AGBL1: variants seen among roughly 807,000 people sequenced by gnomAD.
AGBL1 encodes the protein AGBL carboxypeptidase 1.
Under a neutral mutation model 118.9 loss-of-function variants are expected in AGBL1, and 130 were observed. The ratio of observed to expected loss-of-function variants is 1.09; its 90% CI spans 0.95 to 1.26. AGBL1 has a LOEUF of 1.26. AGBL1 is among the 50% of genes most tolerant of loss of function. AGBL1 has a pLI of 0.00. For missense variants in AGBL1, 1,584 were observed against 1,298.1 expected (o/e 1.22, Z -3.38); for synonymous variants, 555 against 478.9 (o/e 1.16, Z -2.08).
intron 20 of AGBL1, among the ~76,000 whole-genome samples, chr15:86,548,585 C>G (rs1032089381): frequency 2.0e-5 from 3 of 151,818 alleles, no homozygotes; most frequent in Non-Finnish European, 4.4e-5. Context: ...ACTGGGGCTG[C>G]TCCTGACACC....
chr15:86,563,790 A>T (rs987054367), intron 21 of AGBL1, among the ~76,000 whole-genome samples: 1 of 152,218 alleles, frequency 6.6e-6, no homozygotes, highest in East Asian at 1.9e-4. Flanking sequence ...GTCTCTAAGG[A>T]CTTGCTTTAT....
intron 22 of AGBL1, among the ~76,000 whole-genome samples, chr15:86,686,763 T>C (rs1277828775): frequency 2.6e-5 from 4 of 152,138 alleles, no homozygotes; most frequent in Non-Finnish European, 5.9e-5. Flanking sequence ...TATGAATTTT[T>C]ATCATCTCTC....
At chr15:86,180,251 GA>G (rs140692157) in intron 5 of AGBL1, among the ~76,000 whole-genome samples, 1 of 151,308 alleles carries the variant, frequency 6.6e-6, no homozygotes, top group African/African-American at 2.4e-5. Flanking sequence ...AAGCAAATTT[GA>G]AAAAAAAGAA....
intron 22 of AGBL1, among the ~76,000 whole-genome samples, chr15:86,735,602 C>CTATG (rs1381381825): frequency 2.7e-4 from 38 of 141,990 alleles, no homozygotes; most frequent in African/African-American, 9.1e-4. Context: ...GAGATACAGA[C>CTATG]TGTGTGTGTG....
chr15:86,569,872 C>A (rs1345062191), intron 21 of AGBL1, among the ~76,000 whole-genome samples: 2 of 152,044 alleles, frequency 1.3e-5, no homozygotes, highest in African/African-American at 4.8e-5. Context: ...ATCCTATGAG[C>A]CTCAAAAGAC....
At chr15:86,151,390 A>T (rs151133173) in intron 3 of AGBL1, among the ~76,000 whole-genome samples, 1,948 of 152,270 alleles carry the variant, frequency 0.013, 25 homozygotes, top group East Asian at 0.062. Context: ...AAATCAATAA[A>T]TGTAATCCAT....
chr15:86,817,451 G>C (rs2078875408), intron 22 of AGBL1, among the ~76,000 whole-genome samples: 1 of 142,326 alleles, frequency 7.0e-6, no homozygotes, highest in Admixed American at 7.3e-5. Flanking sequence ...GTGTGTGTGT[G>C]TCTCTGAGAG....
At chr15:86,634,635 G>A (rs114001783) in intron 21 of AGBL1, among the ~76,000 whole-genome samples, 1,921 of 152,256 alleles carry the variant, frequency 0.013, 32 homozygotes, top group African/African-American at 0.038. Context: ...AGATAGTGGT[G>A]AGGCCTGTAC....
At chr15:86,679,026 C>T (rs1325976826) in intron 22 of AGBL1, among the ~76,000 whole-genome samples, 1 of 152,134 alleles carries the variant, frequency 6.6e-6, no homozygotes, top group East Asian at 1.9e-4. Flanking sequence ...AACACCACCT[C>T]ATTAGTATTT....
At chr15:86,262,078 C>CTATTTTTTTTTTTTTTTT (rs2094009283) in intron 9 of AGBL1, among the ~76,000 whole-genome samples, 1 of 52,768 alleles carries the variant, frequency 1.9e-5, no homozygotes, top group African/African-American at 6.1e-5. Flanking sequence ...GCATAGCTGG[C>CTATTTTTTTTTTTTTTTT]TTTTTTTTTT....
chr15:86,443,086 T>C lies in AGBL1; in HGVS notation c.2555+45540T>C, dbSNP rs536473335. Among the ~76,000 whole-genome samples, 6 of 152,318 alleles carry C rather than the reference T, an allele frequency of 3.9e-5. No homozygotes were observed. In the South Asian group the frequency reaches 1.2e-3, roughly 32 times the overall value. On this transcript the variant is annotated intron_variant, in intron 18 of 22. Transcript: ENST00000614907. ...CTGACAAGGAGAAACTGTTGTTCTC[T>C]TCTGTTGTTGCCCTCAGCTAGACAG...
chr15:86,556,186 C>T (rs745731436), intron 21 of AGBL1: 2 of 1,556,086 alleles, frequency 1.3e-6, no homozygotes, highest in Non-Finnish European at 1.8e-6. Flanking sequence ...TGAAATGACT[C>T]ATAGGTTCAG....
chr15:86,778,954 T>C (rs921756169), intron 22 of AGBL1, among the ~76,000 whole-genome samples: 1 of 152,196 alleles, frequency 6.6e-6, no homozygotes, highest in African/African-American at 2.4e-5. Flanking sequence ...TTTGGGGAAC[T>C]AATAAATGTC....
At chr15:86,546,225 T>TG in intron 20 of AGBL1, 92 bp downstream of exon 20, 1 of 1,314,474 alleles carries the variant, frequency 7.6e-7, no homozygotes, top group Non-Finnish European at 9.9e-7. Flanking sequence ...TATTTAGTTT[T>TG]TTTTTTTTTT....
intron 5 of AGBL1, among the ~76,000 whole-genome samples, chr15:86,197,226 G>A (rs2077828096): frequency 6.6e-6 from 1 of 152,166 alleles, no homozygotes; most frequent in Admixed American, 6.5e-5. Flanking sequence ...CGCCTAGGTT[G>A]CTGTGAAGGG....
Position 86,295,254 on chromosome 15 carries a change from G to C in AGBL1, c.2221-1G>C. The stretch of plus-strand genomic sequence containing the variant: ...ACATGCCTGCTTTATTTCTGCTCCA[G>C]ACTCATCTTGACATCCTGGAAAAGA... On this transcript the variant is annotated splice_acceptor_variant, in intron 16 of 22. Coordinates refer to ENST00000614907, the MANE Select transcript of AGBL1 (RefSeq NM_001386094.1). LOFTEE classifies it high-confidence loss of function. 6.2e-7 allele frequency: 1 copy of C among 1,613,414 alleles called. No homozygotes were observed. Among genetic ancestry groups the C allele is most frequent in the Non-Finnish European group, 8.5e-7 (1 of 1,179,614 alleles).
intron 1 of AGBL1, 95 bp from the exon 2 acceptor site, chr15:86,141,909 C>A: frequency 8.1e-7 from 1 of 1,238,794 alleles, no homozygotes; most frequent in South Asian, 1.5e-5. Flanking sequence ...TTCTCCATGA[C>A]AGGAAGTAGA....
intron 22 of AGBL1, among the ~76,000 whole-genome samples, chr15:86,735,979 C>T (rs956345307): frequency 6.6e-6 from 1 of 152,090 alleles, no homozygotes; most frequent in Admixed American, 6.6e-5. Flanking sequence ...ATGGAGGTGC[C>T]AGCACATGCT....
intron 4 of AGBL1, among the ~76,000 whole-genome samples, chr15:86,156,794 CTTT>C (rs773611214): frequency 9.5e-6 from 1 of 105,562 alleles, no homozygotes; most frequent in Non-Finnish European, 2.0e-5. Flanking sequence ...TCTTTTCTTT[CTTT>C]TTTTTTTTTT....
Sources: allele counts gnomAD v4.1 joint callset (sites outside exome capture counted in the v4.1 genomes callset), GRCh38; gene constraint gnomAD v4.1.1; transcripts MANE v1.5; gene names NCBI Gene and HGNC (gene_info 2026-07-23, HGNC 2026-07-21).